MOB3B: variants seen among roughly 807,000 people sequenced by gnomAD.
MOB3B encodes the protein MOB kinase activator-like 2B.
A neutral mutation model predicts 18.7 loss-of-function variants in MOB3B; 7 were observed. That is an observed-to-expected ratio of 0.37 (90% CI 0.21 to 0.70). The LOEUF (loss-of-function observed/expected upper bound fraction) is 0.70, where lower values mean the gene tolerates loss of function less well. Ranked by LOEUF, MOB3B falls within the 30% of genes least tolerant of loss-of-function variation. The pLI is 0.52. For synonymous variants in MOB3B, 111 were observed against 99.9 expected (o/e 1.11, Z -0.66); for missense variants, 253 against 281.3 (o/e 0.90, Z 0.72).
intron 2 of MOB3B, among the ~76,000 whole-genome samples, chr9:27,430,671 G>A (rs186682535): frequency 4.2e-4 from 64 of 152,148 alleles, no homozygotes; most frequent in East Asian, 1.4e-3. Context: ...AGAAGAATTC[G>A]TCCAGGCGGA....
At chr9:27,478,648 G>A (rs1819597789) in intron 1 of MOB3B, among the ~76,000 whole-genome samples, 1 of 152,162 alleles carries the variant, frequency 6.6e-6, no homozygotes, top group South Asian at 2.1e-4. Context: ...AACACAGAGA[G>A]TAAATTGGGG....
At chr9:27,368,106 A>G (rs1395367032) in intron 2 of MOB3B, among the ~76,000 whole-genome samples, 1 of 152,068 alleles carries the variant, frequency 6.6e-6, no homozygotes, top group Non-Finnish European at 1.5e-5. Flanking sequence ...AAGAAAACAT[A>G]CCTCCTCTGG....
intron 3 of MOB3B, among the ~76,000 whole-genome samples, chr9:27,340,179 G>C (rs1439203447): frequency 6.6e-6 from 1 of 152,180 alleles, no homozygotes; most frequent in Admixed American, 6.5e-5. Context: ...CACGGAGGGC[G>C]TTTCCACGAT....
intron 1 of MOB3B, among the ~76,000 whole-genome samples, chr9:27,479,927 C>A (rs71510494): frequency 6.6e-6 from 1 of 151,942 alleles, no homozygotes; most frequent in Non-Finnish European, 1.5e-5. Flanking sequence ...TGTGGTGGTA[C>A]GTATCTATAG....
chr9:27,467,585 G>A (rs542686231), intron 1 of MOB3B, among the ~76,000 whole-genome samples: 5 of 152,356 alleles, frequency 3.3e-5, no homozygotes, highest in African/African-American at 1.2e-4. Context: ...TTTGGATGAG[G>A]AAGAATTTTC....
intron 2 of MOB3B, among the ~76,000 whole-genome samples, chr9:27,416,746 G>A (rs1822156120): frequency 6.6e-6 from 1 of 151,812 alleles, no homozygotes; most frequent in Non-Finnish European, 1.5e-5. Context: ...ATGTTGCCCA[G>A]GCTGGTCTTA....
chr9:27,477,259 C>A (rs532161424), intron 1 of MOB3B, among the ~76,000 whole-genome samples: 1 of 152,150 alleles, frequency 6.6e-6, no homozygotes, highest in Admixed American at 6.5e-5. Context: ...CCTGCCTTGG[C>A]GTAATGCTTC....
At chr9:27,522,903 A>C (rs1308833513) in intron 1 of MOB3B, among the ~76,000 whole-genome samples, 1 of 150,530 alleles carries the variant, frequency 6.6e-6, no homozygotes, top group Non-Finnish European at 1.5e-5. Context: ...TAGATGGAAC[A>C]AATAGAATAA....
chr9:27,365,819 A>G (rs965330643), intron 2 of MOB3B, among the ~76,000 whole-genome samples: 1 of 152,174 alleles, frequency 6.6e-6, no homozygotes, highest in Non-Finnish European at 1.5e-5. Flanking sequence ...GCCTTGGGTC[A>G]TGTGATGTAG....
intron 2 of MOB3B, among the ~76,000 whole-genome samples, chr9:27,381,442 C>T (rs1821576141): frequency 6.6e-6 from 1 of 152,034 alleles, no homozygotes; most frequent in Non-Finnish European, 1.5e-5. Context: ...GAGAAGCTGC[C>T]TACATTTTCT....
chr9:27,370,621 C>G (rs1395919307), intron 2 of MOB3B, among the ~76,000 whole-genome samples: 1 of 152,122 alleles, frequency 6.6e-6, no homozygotes, highest in Non-Finnish European at 1.5e-5. Context: ...CTGAACCCAC[C>G]AGACACTGAA....
Position 27,354,261 on chromosome 9 carries a change from C to A in MOB3B, c.621+4773G>T, listed in dbSNP as rs138461723. 8.5e-4 allele frequency among the ~76,000 whole-genome samples: 130 copies of A among 152,314 alleles called. 1 individual carries two copies. The highest frequency in any genetic ancestry group is 2.8e-3 in the African/African-American group (118 of 41,564). On this transcript the variant is annotated intron_variant, in intron 3 of 3. Transcript: ENST00000262244. Reference sequence around the variant, plus strand: ...CCACTCAGAGGCCTGATAGGGTGACCAACCGTCCTAGTTTGACAGACACCA... The same window carrying A: ...CCACTCAGAGGCCTGATAGGGTGACAAACCGTCCTAGTTTGACAGACACCA...
intron 3 of MOB3B, among the ~76,000 whole-genome samples, chr9:27,333,857 A>G (rs1273830568): frequency 6.6e-6 from 1 of 152,036 alleles, no homozygotes; most frequent in Non-Finnish European, 1.5e-5. Flanking sequence ...CCCCCTGCTC[A>G]CCTCCTGCTG....
chr9:27,394,386 A>G (rs1020738399), intron 2 of MOB3B: 2 of 152,162 alleles, frequency 1.3e-5, no homozygotes, highest in African/African-American at 2.4e-5. Flanking sequence ...CTGTAAAAAC[A>G]TTTTCAAAGG....
At chr9:27,479,345 T>A (rs1819610697) in intron 1 of MOB3B, among the ~76,000 whole-genome samples, 1 of 152,222 alleles carries the variant, frequency 6.6e-6, no homozygotes, top group Admixed American at 6.5e-5. Flanking sequence ...AATCCATTCA[T>A]GAGGGCAGAA....
intron 2 of MOB3B, among the ~76,000 whole-genome samples, chr9:27,436,490 G>C (rs939463653): frequency 6.6e-6 from 1 of 152,148 alleles, no homozygotes; most frequent in African/African-American, 2.4e-5. Context: ...TTAGCTCACT[G>C]TCTGGCATGT....
At chr9:27,518,829 G>T (rs1820279924) in intron 1 of MOB3B, among the ~76,000 whole-genome samples, 1 of 152,184 alleles carries the variant, frequency 6.6e-6, no homozygotes, top group Non-Finnish European at 1.5e-5. Flanking sequence ...TACTGAATCA[G>T]ATTTGAGAAC....
rs570150501 is a variant in MOB3B, at chr9:27,435,825, T to A, written c.418+19308A>T. Among the ~76,000 whole-genome samples the A allele has an allele frequency of 2.0e-5, 3 of 152,260 alleles. No individual in the cohort carries two copies. In the South Asian group the frequency reaches 6.2e-4, roughly 32 times the overall value. The stretch of plus-strand genomic sequence containing the variant: ...CATGTTGGCCAGGCTGGTCTTGAAC[T>A]CCTGACCTCAAGTGATCCACCTGAC... On this transcript the variant is annotated intron_variant, in intron 2 of 3. Transcript: ENST00000262244.
chr9:27,333,230 A>T (rs1227745493), intron 3 of MOB3B, among the ~76,000 whole-genome samples: 1 of 152,170 alleles, frequency 6.6e-6, no homozygotes, highest in Non-Finnish European at 1.5e-5. Flanking sequence ...AAGGGAATGT[A>T]TGGTTGAAAT....
Sources: allele counts gnomAD v4.1 joint callset (sites outside exome capture counted in the v4.1 genomes callset), GRCh38; gene constraint gnomAD v4.1.1; transcripts MANE v1.5; gene names NCBI Gene and HGNC (gene_info 2026-07-23, HGNC 2026-07-21).